Variants in MYLIP observed in about 807,000 individuals in gnomAD.
MYLIP encodes myosin regulatory light chain interacting protein.
MYLIP carries 26 observed loss-of-function variants against 45.8 expected under a neutral mutation model. That is an observed-to-expected ratio of 0.57 (90% CI 0.42 to 0.79). MYLIP has a LOEUF of 0.79. Among genes scored for constraint, MYLIP ranks in the 30% least tolerant of loss-of-function variants. The pLI is 0.00. For synonymous variants in MYLIP, 213 were observed against 218.1 expected (o/e 0.98, Z 0.21); for missense variants, 494 against 555.6 (o/e 0.89, Z 1.11).
chr6:16,138,597 T>C (rs1759603538), intron 2 of MYLIP, among the ~76,000 whole-genome samples: 1 of 152,172 alleles, frequency 6.6e-6, no homozygotes, highest in South Asian at 2.1e-4. Flanking sequence ...CTGGAGTTAT[T>C]TTGATGGGAT....
At chr6:16,161,080 T>A in the MYLIP span, 4 of 156,434 alleles carry the variant, frequency 2.6e-5, no homozygotes, top group African/African-American at 9.6e-5. Flanking sequence ...GGGGGAGACA[T>A]GGTGAAGAGC....
At chr6:16,136,083 T>C (rs879137357) in intron 2 of MYLIP, among the ~76,000 whole-genome samples, 2 of 152,182 alleles carry the variant, frequency 1.3e-5, no homozygotes, top group African/African-American at 4.8e-5. Context: ...TTTTTTCTTT[T>C]GATGTAAAAT....
At chr6:16,149,171 C>T (rs1759849139), downstream of MYLIP, among the ~76,000 whole-genome samples, 1 of 152,104 alleles carries the variant, frequency 6.6e-6, no homozygotes, top group South Asian at 2.1e-4. Context: ...ATGCAGAATC[C>T]ACGAATACTA....
intron 2 of MYLIP, among the ~76,000 whole-genome samples, chr6:16,133,624 C>G (rs1387262023): frequency 6.6e-6 from 1 of 152,194 alleles, no homozygotes; most frequent in Non-Finnish European, 1.5e-5. Context: ...TCTTGCCTTT[C>G]AAAGGCTTTG....
At chr6:16,160,670 C>T in the MYLIP span, among the ~76,000 whole-genome samples, 4 of 152,172 alleles carry the variant, frequency 2.6e-5, no homozygotes, top group African/African-American at 2.4e-5. Flanking sequence ...GGCATGGTAG[C>T]GGGTGCCTGA....
rs575130223 is a variant in MYLIP at position 16,135,758 on chromosome 6, T to C, written c.278+5011T>C. On this transcript the variant is annotated intron_variant, in intron 2 of 6. Coordinates refer to ENST00000356840, the MANE Select transcript of MYLIP (RefSeq NM_013262.4). The stretch of plus-strand genomic sequence containing the variant: ...ATATGTGTGTGTATACATATATCTA[T>C]ATATATATATATATATATATGTATG... Among the ~76,000 whole-genome samples, 5 of 76,796 alleles carry C rather than the reference T, an allele frequency of 6.5e-5. No individual in the cohort carries two copies. In the East Asian group the frequency reaches 9.3e-3, roughly 142 times the overall value. 50.4% of individuals were successfully genotyped at this position (76,796 alleles called of 152,430 possible).
At chr6:16,138,356 G>A (rs1187630817) in intron 2 of MYLIP, among the ~76,000 whole-genome samples, 1 of 151,610 alleles carries the variant, frequency 6.6e-6, no homozygotes, top group Non-Finnish European at 1.5e-5. Context: ...CCAGGAGCCA[G>A]ATAGTTACAA....
chr6:16,143,758 T>C lies in MYLIP; in HGVS notation c.722T>C (p.Val241Ala), dbSNP rs1369972721. Residue 241 changes from valine (V) to alanine (A), a missense_variant, in exon 5 of 7, where the codon GTC becomes GCC. Transcript: ENST00000356840. ...TQSGKNVYLT[V>A]TKESGNSIVL... ...TCAGGAAAGAATGTATATTTGACGGTCACCAAGGAATCTGGGAACAGCATC... is the reference window on the plus strand; with the variant it reads ...TCAGGAAAGAATGTATATTTGACGGCCACCAAGGAATCTGGGAACAGCATC... 3 of 1,613,928 alleles carry C rather than the reference T, an allele frequency of 1.9e-6. No homozygotes were observed. The Admixed American group carries it at 5.0e-5, about 27-fold the overall frequency.
chr6:16,148,962 CT>C (rs1759847129), downstream of MYLIP, among the ~76,000 whole-genome samples: 1 of 152,070 alleles, frequency 6.6e-6, no homozygotes, highest in African/African-American at 2.4e-5. Context: ...TTTGTTTTTA[CT>C]GTACCTATAA....
In MYLIP at chr6:16,143,253, G is replaced by A. The variant is rs758175325; in HGVS notation, c.662+36G>A. ...ACTTAACTTTTTTTGACCTAAGCAT[G>A]TGTATACATCTGTAGCTGTCAATGT... On this transcript the variant is annotated intron_variant, in intron 4 of 6. Coordinates refer to ENST00000356840, the MANE Select transcript of MYLIP (RefSeq NM_013262.4). 5.0e-6 allele frequency: 8 copies of A among 1,586,180 alleles called. No homozygotes were observed. In the Admixed American group the frequency reaches 1.0e-4, roughly 20 times the overall value.
the MYLIP span, among the ~76,000 whole-genome samples, chr6:16,158,281 G>A: frequency 6.6e-6 from 1 of 152,222 alleles, no homozygotes; most frequent in Non-Finnish European, 1.5e-5. Flanking sequence ...TTACTTGTGT[G>A]GTCTTCAGTC....
chr6:16,137,613 T>C (rs934682174), intron 2 of MYLIP, among the ~76,000 whole-genome samples: 3 of 152,206 alleles, frequency 2.0e-5, no homozygotes, highest in African/African-American at 7.2e-5. Flanking sequence ...AGGAACCCTC[T>C]ATGATGAGCA....
At chr6:16,162,820 A>G in the MYLIP span, among the ~76,000 whole-genome samples, 1 of 150,136 alleles carries the variant, frequency 6.7e-6, no homozygotes, top group African/African-American at 2.5e-5. Flanking sequence ...TTCATTTTAT[A>G]TATTGAATCA....
intron 5 of MYLIP, among the ~76,000 whole-genome samples, chr6:16,144,694 G>A (rs1326993374): frequency 6.6e-6 from 1 of 152,200 alleles, no homozygotes; most frequent in Non-Finnish European, 1.5e-5. Flanking sequence ...CTTTACGGAA[G>A]CCATAATGTC....
At chr6:16,132,058 T>A (rs1759469604) in intron 2 of MYLIP, among the ~76,000 whole-genome samples, 1 of 152,224 alleles carries the variant, frequency 6.6e-6, no homozygotes, top group Non-Finnish European at 1.5e-5. Context: ...GAATACAAGA[T>A]ATAACACAAC....
the MYLIP span, among the ~76,000 whole-genome samples, chr6:16,157,393 A>G: frequency 6.6e-6 from 1 of 152,248 alleles, no homozygotes; most frequent in Non-Finnish European, 1.5e-5. Context: ...GTTCCTTCAT[A>G]GCATTTATCA....
intron 5 of MYLIP, 63 bp from the exon 6 acceptor site, chr6:16,144,834 C>A: frequency 6.6e-7 from 1 of 1,516,746 alleles, no homozygotes; most frequent in Non-Finnish European, 8.9e-7. Context: ...TTATTGACAA[C>A]AGCGAATAAG....
the MYLIP span, among the ~76,000 whole-genome samples, chr6:16,162,145 G>A: frequency 2.0e-5 from 3 of 152,356 alleles, no homozygotes; most frequent in Admixed American, 6.5e-5. Context: ...CAAGGCCTGT[G>A]TGGTAGTGAG....
At chr6:16,140,651 G>A (rs565775977) in intron 2 of MYLIP, among the ~76,000 whole-genome samples, 1 of 152,274 alleles carries the variant, frequency 6.6e-6, no homozygotes, top group South Asian at 2.1e-4. Context: ...AGACACCAGA[G>A]CATGAACATG....
Sources: allele counts gnomAD v4.1 joint callset (sites outside exome capture counted in the v4.1 genomes callset), GRCh38; gene constraint gnomAD v4.1.1; transcripts MANE v1.5; gene names NCBI Gene and HGNC (gene_info 2026-07-23, HGNC 2026-07-21).